The following KLHL3 variants were observed in gnomAD, a reference collection of about 807,000 sequenced individuals.
KLHL3 encodes the protein kelch-like protein 3.
Under a neutral mutation model 70.5 loss-of-function variants are expected in KLHL3, and 19 were observed. The observed-to-expected ratio is 0.27, with a 90% CI of 0.19 to 0.40. KLHL3 has a LOEUF of 0.40. Among genes scored for constraint, KLHL3 ranks in the 10% least tolerant of loss-of-function variants. The pLI is 1.00. For synonymous variants in KLHL3, 258 were observed against 290.3 expected (o/e 0.89, Z 1.13); for missense variants, 512 against 771.1 (o/e 0.66, Z 3.98).
intron 8 of KLHL3, among the ~76,000 whole-genome samples, chr5:137,641,645 G>C (rs967423502): frequency 1.3e-5 from 2 of 152,154 alleles, no homozygotes; most frequent in African/African-American, 4.8e-5. Context: ...CCATACGGGA[G>C]GCAAAACCAG....
chr5:137,676,719 G>A (rs1751892196), intron 6 of KLHL3, among the ~76,000 whole-genome samples: 2 of 152,158 alleles, frequency 1.3e-5, no homozygotes, highest in South Asian at 4.1e-4. Context: ...AGGAAACACA[G>A]GAGAGGCAAA....
intron 1 of KLHL3, among the ~76,000 whole-genome samples, chr5:137,730,344 T>C (rs1753154221): frequency 6.6e-6 from 1 of 152,050 alleles, no homozygotes. Context: ...CCAGGCCAAA[T>C]GAAAAAAGAC....
chr5:137,650,927 A>G (rs1751185403), intron 8 of KLHL3, among the ~76,000 whole-genome samples: 1 of 152,166 alleles, frequency 6.6e-6, no homozygotes. Context: ...AAAGAACCTT[A>G]CAACCCTTCT....
At position 137,639,269 on chromosome 5, in the gene KLHL3, G is replaced by T; in HGVS notation, c.1022-119C>A. The T allele has an allele frequency of 1.2e-6, 1 of 860,214 alleles. No individual in the cohort carries two copies. The allele number at this position is 860,214 out of a possible 1,614,324, so 53.3% of individuals were successfully genotyped here. On this transcript the variant is annotated intron_variant, in intron 9 of 14. Coordinates refer to ENST00000309755, the MANE Select transcript of KLHL3 (RefSeq NM_017415.3). This position sits in a 1 kb window ranked among gnomAD's most constrained non-coding sequence, Gnocchi z 5.0. ...AAAGTCGCCACCGAAGATACTTTAG[G>T]TATTTGGCAGTCATTATGGGATTCA...
chr5:137,689,651 A>C (rs937840151), intron 5 of KLHL3, among the ~76,000 whole-genome samples: 14 of 152,216 alleles, frequency 9.2e-5, no homozygotes, highest in African/African-American at 3.1e-4. Flanking sequence ...GATGGGAAAA[A>C]CAGACACTGG....
chr5:137,677,724 T>C, intron 5 of KLHL3, 70 bp from the exon 6 acceptor site: 1 of 951,506 alleles, frequency 1.1e-6, no homozygotes, highest in Non-Finnish European at 1.5e-6. Context: ...TCCATGACAA[T>C]CTGTGGGATT....
intron 3 of KLHL3, among the ~76,000 whole-genome samples, chr5:137,704,015 T>C (rs1245705486): frequency 2.0e-5 from 3 of 152,182 alleles, no homozygotes; most frequent in Non-Finnish European, 2.9e-5. Context: ...CCGTTACCTA[T>C]ATTTGTTCCC....
chr5:137,677,572 G>A lies in KLHL3; in HGVS notation c.609C>T (p.Asp203=), dbSNP rs201065160. ...LDQVCSLISS[D]KLTVSSEEKV... The stretch of plus-strand genomic sequence containing the variant: ...TCTCTTCTGAAGAAACGGTCAGCTT[G>A]TCGCTGGATATCAAGCTGCACACCT... Residue 203 remains aspartate (D), a synonymous_variant, in exon 6 of 15, where the codon GAC becomes GAT. Coordinates refer to ENST00000309755, the MANE Select transcript of KLHL3 (RefSeq NM_017415.3). 14 of 1,607,424 alleles carry A rather than the reference G, an allele frequency of 8.7e-6. No individual in the cohort carries two copies. The highest frequency in any genetic ancestry group is 7.8e-5 in the South Asian group (7 of 89,900).
chr5:137,696,270 T>G (rs1465914360), intron 4 of KLHL3, among the ~76,000 whole-genome samples: 1 of 152,228 alleles, frequency 6.6e-6, no homozygotes, highest in East Asian at 1.9e-4. Flanking sequence ...CCAGGGTCTC[T>G]GCCCCAATCA....
intron 1 of KLHL3, among the ~76,000 whole-genome samples, chr5:137,728,118 T>G (rs1457961512): frequency 6.6e-6 from 1 of 152,196 alleles, no homozygotes; most frequent in Non-Finnish European, 1.5e-5. Context: ...CATTCATTTT[T>G]AATATAATTT....
chr5:137,661,837 T>A, intron 7 of KLHL3, 78 bp downstream of exon 7: 1 of 816,442 alleles, frequency 1.2e-6, no homozygotes. Flanking sequence ...AACTACTCCA[T>A]CCAACCAGGA....
chr5:137,711,467 C>T (rs547027512), intron 2 of KLHL3, among the ~76,000 whole-genome samples: 1 of 152,286 alleles, frequency 6.6e-6, no homozygotes, highest in Admixed American at 6.5e-5. Context: ...AGACAGAAGA[C>T]AGGTTAGCCC....
intron 12 of KLHL3, among the ~76,000 whole-genome samples, chr5:137,631,296 G>A (rs3822835): frequency 0.26 from 39,675 of 152,060 alleles, 5,465 homozygotes; most frequent in East Asian, 0.49. Flanking sequence ...AGACAAAGCA[G>A]GGGAGAAGGG....
intron 6 of KLHL3, among the ~76,000 whole-genome samples, chr5:137,669,082 T>G (rs1333857680): frequency 6.6e-6 from 1 of 152,114 alleles, no homozygotes; most frequent in African/African-American, 2.4e-5. Context: ...GCTAGTCATT[T>G]GCAAAAGGAG....
At chr5:137,681,798 G>A (rs76266305) in intron 5 of KLHL3, among the ~76,000 whole-genome samples, 1 of 152,036 alleles carries the variant, frequency 6.6e-6, no homozygotes, top group Non-Finnish European at 1.5e-5. Flanking sequence ...AAGAGTTCTG[G>A]TTAAGAGTCC....
At chr5:137,691,570 A>G (rs1476735579) in intron 5 of KLHL3, among the ~76,000 whole-genome samples, 1 of 151,530 alleles carries the variant, frequency 6.6e-6, no homozygotes, top group Non-Finnish European at 1.5e-5. Context: ...GGAAAGGTGG[A>G]GCAGGGCACT....
chr5:137,707,315 C>A (rs919635606), intron 3 of KLHL3, among the ~76,000 whole-genome samples: 1 of 152,230 alleles, frequency 6.6e-6, no homozygotes, highest in East Asian at 1.9e-4. Flanking sequence ...CACCTGTAGT[C>A]CCAGCTACTC....
intron 2 of KLHL3, among the ~76,000 whole-genome samples, chr5:137,712,152 C>T (rs1752804541): frequency 2.2e-5 from 2 of 89,988 alleles, no homozygotes; most frequent in African/African-American, 5.5e-5. Flanking sequence ...GAGCAAGATT[C>T]TGTCAAAAAA....
chr5:137,720,877 A>C, intron 1 of KLHL3: 1 of 1,208,114 alleles, frequency 8.3e-7, no homozygotes, highest in Non-Finnish European at 1.0e-6. Context: ...AAGGGGACTA[A>C]GCACTCTATC....
Sources: allele counts gnomAD v4.1 joint callset (sites outside exome capture counted in the v4.1 genomes callset), GRCh38; gene constraint gnomAD v4.1.1; non-coding constraint Gnocchi (gnomAD v3.1); transcripts MANE v1.5; gene names NCBI Gene and HGNC (gene_info 2026-07-23, HGNC 2026-07-21).